COL6A2: variants seen among roughly 807,000 people sequenced by gnomAD.
COL6A2 encodes collagen type VI alpha 2 chain.
COL6A2 carries 90 observed loss-of-function variants against 124.9 expected under a neutral mutation model. That is an observed-to-expected ratio of 0.72 (90% confidence interval 0.61 to 0.86). The LOEUF (loss-of-function observed/expected upper bound fraction) is 0.86, where lower values mean the gene tolerates loss of function less well. COL6A2 is among the 40% of genes least tolerant of loss of function. The pLI is 0.00. For synonymous variants in COL6A2, 793 were observed against 618.2 expected, an observed-to-expected ratio of 1.28 and a Z score of -4.19; for missense variants, 1,607 against 1,502.5, an observed-to-expected ratio of 1.07 and a Z score of -1.15.
rs1426096612 is a variant in COL6A2 at position 46,132,274 on chromosome 21, A to G, written c.2782A>G (p.Ile928Val). 4 of 1,606,706 alleles carry G rather than the reference A, an allele frequency of 2.5e-6. No homozygotes were observed. The highest frequency in any genetic ancestry group is 3.4e-6 in the Non-Finnish European group (4 of 1,178,972). Residue 928 changes from isoleucine to valine, a missense_variant, in exon 28 of 28, where the codon ATC becomes GTC. Ile to Val is a conservative substitution (Grantham distance 29, BLOSUM62 3). This residue lies in a region of COL6A2 where 1,223 missense variants were observed against 1,052.2 expected (regional missense o/e 1.16). Coordinates refer to ENST00000300527, the MANE Select transcript of COL6A2 (RefSeq NM_001849.4). Reference protein sequence around the residue: ...GAGVVHAINAIVRSPRGGARR... With the variant: ...GAGVVHAINAVVRSPRGGARR... The stretch of plus-strand genomic sequence containing the variant: ...AGGCGTGGTGCACGCCATCAATGCC[A>G]TCGTGCGCAGCCCGCGTGGCGGGGC...
rs200482836 is a variant in COL6A2, at chr21:46,121,092, C to T, written c.1427C>T (p.Pro476Leu). ...CGAGGCTTGCCTGGACCCAGAGGCCCCCAGGGAGCTCTTGGGGAGCCCGGA... is the reference window on the plus strand; with the variant it reads ...CGAGGCTTGCCTGGACCCAGAGGCCTCCAGGGAGCTCTTGGGGAGCCCGGA... The part of the protein sequence containing the change: ...GDRGLPGPRG[P>L]QGALGEPGKQ... Residue 476 changes from proline to leucine, a missense_variant, in exon 17 of 28, where the codon CCC (proline) becomes CTC (leucine). By Grantham distance (98) the Pro-to-Leu change is moderately conservative (BLOSUM62 -3). This residue lies in a region of COL6A2 where 1,223 missense variants were observed against 1,052.2 expected (regional missense o/e 1.16). Transcript: ENST00000300527. The T allele has an allele frequency of 1.9e-6, 3 of 1,612,778 alleles. No individual in the cohort carries two copies. The highest frequency in any genetic ancestry group is 1.7e-5 in the Admixed American group (1 of 60,014).
Position 46,129,479 on chromosome 21 carries a change from G to C in COL6A2, c.2462-2475G>C, listed in dbSNP as rs553306558. Reference sequence around the variant, plus strand: ...TCGTGGGGGACCCCGAGACCGCGCTGGCCCTCTGCTAAAGCCCGGGCACCC... The same window carrying C: ...TCGTGGGGGACCCCGAGACCGCGCTCGCCCTCTGCTAAAGCCCGGGCACCC... On this transcript the variant is annotated intron_variant, in intron 27 of 27. Coordinates refer to ENST00000300527, the MANE Select transcript of COL6A2 (RefSeq NM_001849.4). 219 of 1,586,844 alleles carry C rather than the reference G, an allele frequency of 1.4e-4. 2 individuals carry two copies. The South Asian group carries it at 1.9e-3, about 14-fold the overall frequency.
intron 15 of COL6A2, among the ~76,000 whole-genome samples, chr21:46,120,093 G>A (rs1045463605): frequency 1.4e-5 from 1 of 73,478 alleles, no homozygotes; most frequent in African/African-American, 4.0e-5. Context: ...ATTCACCCCC[G>A]GCCCACTGAG....
chr21:46,099,889 CTTTTTTTTTTT>C (rs869028897), intron 1 of COL6A2, among the ~76,000 whole-genome samples: 3 of 91,844 alleles, frequency 3.3e-5, no homozygotes, highest in Admixed American at 1.5e-4. Context: ...GCAGCACTGT[CTTTTTTTTTTT>C]TTTTTTTTTT....
At chr21:46,105,789 G>C (rs2078329913) in intron 1 of COL6A2, among the ~76,000 whole-genome samples, 3 of 151,980 alleles carry the variant, frequency 2.0e-5, no homozygotes, top group Admixed American at 1.3e-4. Context: ...TTAAACACAA[G>C]ACAGTGATAC....
intron 17 of COL6A2, among the ~76,000 whole-genome samples, 184 bp from the exon 18 acceptor site, chr21:46,121,372 G>C (rs1189942338): frequency 6.6e-6 from 1 of 152,188 alleles, no homozygotes; most frequent in Non-Finnish European, 1.5e-5. Flanking sequence ...CTGAGGTCCT[G>C]GATGGGCCAC....
chr21:46,123,691 GGGTA>G (rs201337254), intron 21 of COL6A2, among the ~76,000 whole-genome samples: 4 of 72,720 alleles, frequency 5.5e-5, no homozygotes, highest in Admixed American at 1.8e-4. Flanking sequence ...GTGAGTAGGT[GGGTA>G]GGTGGGTAGA....
rs2123629109 is a variant in COL6A2, at chr21:46,116,882, C to T, written c.999+68C>T. The T allele has an allele frequency of 3.3e-6, 5 of 1,528,266 alleles. No individual in the cohort carries two copies. In the East Asian group the frequency reaches 6.8e-5, roughly 21 times the overall value. 94.7% of individuals were successfully genotyped at this position (1,528,266 alleles called of 1,614,324 possible). ...GGCATCCCAGCCTCTGCAGGGCCCCCAGATCCAGCCTGATCTGTCAGCTTA... is the reference window on the plus strand; with the variant it reads ...GGCATCCCAGCCTCTGCAGGGCCCCTAGATCCAGCCTGATCTGTCAGCTTA... On this transcript the variant is annotated intron_variant, in intron 10 of 27. Transcript: ENST00000300527. The surrounding 1 kb of genome is among the most constrained non-coding windows in gnomAD (Gnocchi z 4.6).
chr21:46,119,720 C>T (rs1308308836), intron 14 of COL6A2, 68 bp from the exon 15 acceptor site: 2 of 1,432,348 alleles, frequency 1.4e-6, no homozygotes, highest in African/African-American at 2.8e-5. Context: ...CCGGCACAGC[C>T]CCCACCCTCC....
At chr21:46,117,650 C>T (rs1331401567) in intron 11 of COL6A2, 197 bp downstream of exon 11, 1 of 738,544 alleles carries the variant, frequency 1.4e-6, no homozygotes, top group Non-Finnish European at 2.3e-6. Flanking sequence ...CCTGGCGGAT[C>T]CCCGTGGCCT....
chr21:46,125,839 A>G lies in COL6A2; in HGVS notation c.2024A>G (p.Gln675Arg), dbSNP rs139528572. Residue 675 changes from glutamine (Q) to arginine (R), a missense_variant, in exon 26 of 28, where the codon CAG becomes CGG. Gln to Arg is a conservative substitution (Grantham distance 43). Coordinates refer to ENST00000300527, the MANE Select transcript of COL6A2 (RefSeq NM_001849.4). ...YSHEGTFEAI[Q>R]LDDERIDSLS... ...CACGAGGGCACCTTTGAGGCCATCCAGCTGGACGACGAACGTATCGACTCC... is the reference window on the plus strand; with the variant it reads ...CACGAGGGCACCTTTGAGGCCATCCGGCTGGACGACGAACGTATCGACTCC... 6.2e-7 allele frequency: 1 copy of G among 1,612,884 alleles called. No homozygotes were observed. The highest frequency in any genetic ancestry group is 1.7e-5 in the Admixed American group (1 of 60,000).
chr21:46,118,396 A>T lies in COL6A2; in HGVS notation c.1117-218A>T, dbSNP rs2070577. ...AGCCCAAGTCTGGCTGAGTCCTCTGAGCAGATGCACAGGCGTCCTGCCCGT... is the reference window on the plus strand; with the variant it reads ...AGCCCAAGTCTGGCTGAGTCCTCTGTGCAGATGCACAGGCGTCCTGCCCGT... On this transcript the variant is annotated intron_variant, in intron 12 of 27. Coordinates refer to ENST00000300527, the MANE Select transcript of COL6A2 (RefSeq NM_001849.4). Among the ~76,000 whole-genome samples, 124,550 of 152,196 alleles carry T rather than the reference A, an allele frequency of 0.82. 51,081 individuals are homozygous for T. Among genetic ancestry groups the T allele is most frequent in the East Asian group, 0.89 (4,564 of 5,154 alleles).
intron 1 of COL6A2, among the ~76,000 whole-genome samples, chr21:46,099,455 CAAAAAAAAA>C (rs35690093): frequency 5.8e-5 from 4 of 68,700 alleles, no homozygotes; most frequent in Non-Finnish European, 8.0e-5. Flanking sequence ...GAGACTGTCT[CAAAAAAAAA>C]AAAAAAAAAA....
rs2078657536 is a variant in COL6A2 at position 46,125,914 on chromosome 21, G to A, written c.2099G>A (p.Gly700Asp). Residue 700 changes from glycine to aspartate, a missense_variant, in exon 26 of 28, where the codon GGC becomes GAC. Around this residue, in one of 3 missense-constraint regions of COL6A2, gnomAD observed 1,223 missense variants for 1,052.2 expected, o/e 1.16. Coordinates refer to ENST00000300527, the MANE Select transcript of COL6A2 (RefSeq NM_001849.4). Reference sequence around the variant, plus strand: ...AAGAACCTCGAGTGGATTGCGGGCGGCACCTGGACACCCTCAGCCCTCAAG... The same window carrying A: ...AAGAACCTCGAGTGGATTGCGGGCGACACCTGGACACCCTCAGCCCTCAAG... ...AVKNLEWIAG[G>D]TWTPSALKFA... 1 of 1,613,012 alleles carries A rather than the reference G, an allele frequency of 6.2e-7. No individual in the cohort carries two copies. The highest frequency in any genetic ancestry group is 8.5e-7 in the Non-Finnish European group (1 of 1,179,932).
chr21:46,128,685 CCA>C (rs2123677628), intron 27 of COL6A2, among the ~76,000 whole-genome samples: 1 of 152,322 alleles, frequency 6.6e-6, no homozygotes, highest in East Asian at 1.9e-4. Context: ...AACCTGAGCT[CCA>C]GTCGGTGGAA....
In COL6A2 at chr21:46,118,411, G is replaced by A. The variant is rs73908532; in HGVS notation, c.1117-203G>A. ...GAGTCCTCTGAGCAGATGCACAGGC[G>A]TCCTGCCCGTGACACACACTCTGCC... is the stretch of plus-strand genomic sequence containing the variant. On this transcript the variant is annotated intron_variant, in intron 12 of 27. Transcript: ENST00000300527. Among the ~76,000 whole-genome samples the A allele has an allele frequency of 0.015, 2,253 of 152,294 alleles. 55 individuals are homozygous for A. Among genetic ancestry groups the A allele is most frequent in the African/African-American group, 0.051 (2,114 of 41,564 alleles).
rs183654023 is a variant in COL6A2 at position 46,130,920 on chromosome 21, G to A, written c.2462-1034G>A. On this transcript the variant is annotated intron_variant, in intron 27 of 27. Coordinates refer to ENST00000300527, the MANE Select transcript of COL6A2 (RefSeq NM_001849.4). ...CTCAGACGGCGTCCATGTCTCAAGC[G>A]TTCTGTGAAGGCTGCGGTGCAGCGT... 6.0e-4 allele frequency among the ~76,000 whole-genome samples: 92 copies of A among 152,328 alleles called. 1 individual carries two copies. The highest frequency in any genetic ancestry group is 4.9e-3 in the Admixed American group (75 of 15,310).
intron 18 of COL6A2, 51 bp downstream of exon 18, chr21:46,121,669 TGAG>T (rs980337784): frequency 6.3e-7 from 1 of 1,589,244 alleles, no homozygotes. Context: ...GGCAGCTGCC[TGAG>T]GAGCAGGACA....
chr21:46,109,339 G>A (rs1376610529), intron 1 of COL6A2, among the ~76,000 whole-genome samples: 2 of 152,140 alleles, frequency 1.3e-5, no homozygotes, highest in Non-Finnish European at 2.9e-5. Context: ...GCTTTTAAAG[G>A]CCTCAGAGAG....
Sources: allele counts gnomAD v4.1 joint callset (sites outside exome capture counted in the v4.1 genomes callset), GRCh38; gene constraint gnomAD v4.1.1; regional missense constraint gnomAD v4.1.1; non-coding constraint Gnocchi (gnomAD v3.1); transcripts MANE v1.5; gene names NCBI Gene and HGNC (gene_info 2026-07-23, HGNC 2026-07-21).